The following GSG1 variants were observed in gnomAD, a reference collection of about 807,000 sequenced individuals.
GSG1 encodes germ cell associated 1.
Under a neutral mutation model 30.8 loss-of-function variants are expected in GSG1, and 28 were observed. The observed-to-expected ratio is 0.91, with a 90% CI of 0.67 to 1.25. The LOEUF (loss-of-function observed/expected upper bound fraction) is 1.25, where lower values mean the gene tolerates loss of function less well. Among genes scored for constraint, GSG1 ranks in the 50% most tolerant of loss-of-function variants. The pLI is 0.00. For synonymous variants in GSG1, 162 were observed against 178.0 expected (o/e 0.91, Z 0.71); for missense variants, 435 against 444.7 (o/e 0.98, Z 0.20).
In GSG1 at chr12:13,085,187, G is replaced by T. The variant is rs144614383; in HGVS notation, c.803C>A (p.Thr268Lys). The part of the protein sequence containing the change: ...CMASAVTTFN[T>K]YTRMVLEFKC... ...GAACTCCAGCACCATCCTGGTGTAC[G>T]TGTTGAAGGTGGTGACAGCCGACGC... Residue 268 changes from threonine (T) to lysine (K), a missense_variant, in exon 7 of 7, where the codon ACG (threonine) becomes AAG (lysine). By Grantham distance (78) the Thr-to-Lys change is moderately conservative. Transcript: ENST00000651961. 28 of 1,613,762 alleles carry T rather than the reference G, an allele frequency of 1.7e-5. 1 individual carries two copies. The Admixed American group carries it at 3.5e-4, about 20-fold the overall frequency.
At position 13,083,552 on chromosome 12, in the gene GSG1, T is replaced by TA. The variant is rs991938663; in HGVS notation, c.*1348_*1349insT. On this transcript the variant is annotated 3_prime_UTR_variant, in exon 7 of 7. Coordinates refer to ENST00000651961, the MANE Select transcript of GSG1 (RefSeq NM_001080555.4). The stretch of plus-strand genomic sequence containing the variant: ...GTAGATGGGTGGCATTCTTTTTTTT[T>TA]TTTTTTTAAGTTCTAGGGTACATGT... 7 of 150,788 alleles carry TA rather than the reference T, an allele frequency of 4.6e-5. No homozygotes were observed. Among genetic ancestry groups the TA allele is most frequent in the African/African-American group, 1.7e-4 (7 of 41,018 alleles). The allele number at this position is 150,788 out of a possible 1,614,324, so 9.3% of individuals were successfully genotyped here.
chr12:13,088,730 A>G (rs766414688), intron 4 of GSG1, 132 bp downstream of exon 4: 9 of 1,611,210 alleles, frequency 5.6e-6, no homozygotes, highest in East Asian at 2.2e-5. Context: ...TCCTTATCAG[A>G]CACATACTTG....
chr12:13,103,372 G>A (rs1365655675), intron 1 of GSG1, 93 bp downstream of exon 1: 1 of 925,416 alleles, frequency 1.1e-6, no homozygotes, highest in African/African-American at 1.6e-5. Context: ...TGAAATACAT[G>A]AAATTGATGA....
At position 13,103,540 on chromosome 12, in the gene GSG1, G is replaced by A. The variant is rs373757021; in HGVS notation, c.-28C>T. 38 of 1,613,512 alleles carry A rather than the reference G, an allele frequency of 2.4e-5. No homozygotes were observed. The highest frequency in any genetic ancestry group is 3.0e-5 in the Non-Finnish European group (35 of 1,179,570). On this transcript the variant is annotated 5_prime_UTR_variant, in exon 1 of 7. Transcript: ENST00000651961. ...ACTCTTGCAGCGGGAAGGCAGAGAAGTTTCAGTTTATCTTCTGTTCTGTCT... is the reference window on the plus strand; with the variant it reads ...ACTCTTGCAGCGGGAAGGCAGAGAAATTTCAGTTTATCTTCTGTTCTGTCT...
chr12:13,100,467 C>CA (rs1237002712), intron 1 of GSG1, among the ~76,000 whole-genome samples: 4 of 152,216 alleles, frequency 2.6e-5, no homozygotes, highest in African/African-American at 9.6e-5. Flanking sequence ...GTGATGATCT[C>CA]ATGAAATAGT....
In GSG1 at chr12:13,090,438, A is replaced by G; in HGVS notation, c.364+65T>C. On this transcript the variant is annotated intron_variant, in intron 2 of 6. Coordinates refer to ENST00000651961, the MANE Select transcript of GSG1 (RefSeq NM_001080555.4). Reference sequence around the variant, plus strand: ...CCCTAAGCGGGCCTACCTGATTTCCATGCCTGCATTAGATCCCTTGCCCGC... The same window carrying G: ...CCCTAAGCGGGCCTACCTGATTTCCGTGCCTGCATTAGATCCCTTGCCCGC... 5 of 1,474,650 alleles carry G rather than the reference A, an allele frequency of 3.4e-6. No individual in the cohort carries two copies. In the South Asian group the frequency reaches 6.4e-5, roughly 19 times the overall value. The allele number at this position is 1,474,650 out of a possible 1,614,324, so 91.3% of individuals were successfully genotyped here.
Position 13,100,817 on chromosome 12 carries a change from T to G in GSG1, c.48+2648A>C, listed in dbSNP as rs1863139692. On this transcript the variant is annotated intron_variant, in intron 1 of 6. Transcript: ENST00000651961. ...GTAGGGCACTTAGCTCCGGGATTTA[T>G]TCTCAGCTGTAACCACGTTTAAGGG... Among the ~76,000 whole-genome samples the G allele has an allele frequency of 2.6e-5, 4 of 152,282 alleles. 1 individual carries two copies. The South Asian group carries it at 8.3e-4, about 32-fold the overall frequency.
In GSG1 at chr12:13,103,664, T is replaced by A; in HGVS notation, c.-152A>T. 1.2e-6 allele frequency: 1 copy of A among 801,020 alleles called. No homozygotes were observed. The highest frequency in any genetic ancestry group is 2.1e-6 in the Non-Finnish European group (1 of 481,986). The allele number at this position is 801,020 out of a possible 1,614,324, so 49.6% of individuals were successfully genotyped here. A position where few individuals can be genotyped will look rare whatever the true frequency, so the allele number is the denominator to read the frequency against. On this transcript the variant is annotated 5_prime_UTR_variant, in exon 1 of 7. Coordinates refer to ENST00000651961, the MANE Select transcript of GSG1 (RefSeq NM_001080555.4). ...GGTGTGTGGTGGATTGGAGAGGATG[T>A]CCTGAGGGCCAGACACCAGCCAGGG...
At position 13,090,752 on chromosome 12, in the gene GSG1, G is replaced by C; in HGVS notation, c.115C>G (p.Leu39Val). Residue 39 changes from leucine to valine, a missense_variant, in exon 2 of 7, where the codon CTC becomes GTC. By Grantham distance (32) the Leu-to-Val change is conservative. Coordinates refer to ENST00000651961, the MANE Select transcript of GSG1 (RefSeq NM_001080555.4). ...AGCAGGGATGTTGTGGAGAAGCTGA[G>C]TGATAGCATGCTGAGGATGGCAGAT... ...LLSAILSMLS[L>V]SFSTTSLLSN... 1 of 1,614,246 alleles carries C rather than the reference G, an allele frequency of 6.2e-7. No homozygotes were observed.
Position 13,083,655 on chromosome 12 carries a change from T to C in GSG1, c.*1246A>G, listed in dbSNP as rs1307079162. ...GCACCCATTAACTCGTCATTTACGT[T>C]AGTATATCTCCTAATGCTATCCCTC... On this transcript the variant is annotated 3_prime_UTR_variant, in exon 7 of 7. Transcript: ENST00000651961. 6.6e-6 allele frequency: 1 copy of C among 151,522 alleles called. No homozygotes were observed. Among genetic ancestry groups the C allele is most frequent in the Non-Finnish European group, 1.5e-5 (1 of 67,896 alleles). 9.4% of individuals were successfully genotyped at this position (151,522 alleles called of 1,614,324 possible). A position where few individuals can be genotyped will look rare whatever the true frequency, so the allele number is the denominator to read the frequency against.
In GSG1 at chr12:13,087,948, A is replaced by T; in HGVS notation, c.593T>A (p.Leu198His). 1 of 1,614,232 alleles carries T rather than the reference A, an allele frequency of 6.2e-7. No individual in the cohort carries two copies. The highest frequency in any genetic ancestry group is 8.5e-7 in the Non-Finnish European group (1 of 1,180,038). The change falls in exon 5 of 7, where the codon CTC becomes CAC. Residue 198 changes from leucine to histidine, a missense_variant. By Grantham distance (99) the Leu-to-His change is moderately conservative. Transcript: ENST00000651961. ...LLLTGNPACG[L>H]KLSAFAAVSS... ...AACAGCAGCAAAGGCGCTCAGTTTG[A>T]GCCCACAGGCAGGGTTCCCAGTGAG...
chr12:13,091,859 C>G lies in GSG1; in HGVS notation c.49-1041G>C, dbSNP rs1866180234. Among the ~76,000 whole-genome samples, 3 of 152,324 alleles carry G rather than the reference C, an allele frequency of 2.0e-5. No individual in the cohort carries two copies. In the South Asian group the frequency reaches 6.2e-4, roughly 32 times the overall value. On this transcript the variant is annotated intron_variant, in intron 1 of 6. Transcript: ENST00000651961. Reference sequence around the variant, plus strand: ...TTCCCACGTCACGTGAAACTACGATCAAATAAACTTGAATGTTTTTTCTCC... The same window carrying G: ...TTCCCACGTCACGTGAAACTACGATGAAATAAACTTGAATGTTTTTTCTCC...
intron 1 of GSG1, among the ~76,000 whole-genome samples, chr12:13,094,831 A>G (rs1866517606): frequency 6.6e-6 from 1 of 152,192 alleles, no homozygotes; most frequent in African/African-American, 2.4e-5. Flanking sequence ...ATTTCAAGTT[A>G]TACTTGCAAG....
intron 1 of GSG1, chr12:13,095,909 G>A: frequency 1.3e-6 from 1 of 799,474 alleles, no homozygotes; most frequent in Non-Finnish European, 1.9e-6. Context: ...GCAATTTGCA[G>A]AGGAAATTTT....
chr12:13,084,973 C>T lies in GSG1; in HGVS notation c.1017G>A (p.Lys339=). 6.4e-7 allele frequency: 1 copy of T among 1,552,074 alleles called. No homozygotes were observed. The highest frequency in any genetic ancestry group is 8.7e-7 in the Non-Finnish European group (1 of 1,147,126). The change falls in exon 7 of 7, where the codon AAG becomes AAA. Residue 339 remains lysine, a synonymous_variant. Coordinates refer to ENST00000651961, the MANE Select transcript of GSG1 (RefSeq NM_001080555.4). ...CCTGGCTGGCCCCTCTTTGAAATCC[C>T]TTGTTCCGCAGCTCGGAGTAGAAGT... is the stretch of plus-strand genomic sequence containing the variant. ...GVDFYSELRN[K]GFQRGASQEL...
Position 13,101,956 on chromosome 12 carries a change from T to G in GSG1, c.48+1509A>C, listed in dbSNP as rs1217210748. Among the ~76,000 whole-genome samples, 1 of 152,162 alleles carries G rather than the reference T, an allele frequency of 6.6e-6. No homozygotes were observed. Among genetic ancestry groups the G allele is most frequent in the Non-Finnish European group, 1.5e-5 (1 of 68,014 alleles). On this transcript the variant is annotated intron_variant, in intron 1 of 6. Coordinates refer to ENST00000651961, the MANE Select transcript of GSG1 (RefSeq NM_001080555.4). This position sits in a 1 kb window ranked among gnomAD's most constrained non-coding sequence, Gnocchi z 5.8. ...AGGGGTAAATGAGGGCAAAGAGTTG[T>G]CCTTCTTAGTTCTGTGAAAATCGAA...
Position 13,101,491 on chromosome 12 carries a change from G to C in GSG1, c.48+1974C>G, listed in dbSNP as rs997670656. On this transcript the variant is annotated intron_variant, in intron 1 of 6. Transcript: ENST00000651961. This position sits in a 1 kb window ranked among gnomAD's most constrained non-coding sequence, Gnocchi z 5.8. ...GAACGGTGTCCCGGGGGCCCTCCCA[G>C]AGAGCAGGGACTGCCAGGGCAGGCC... Among the ~76,000 whole-genome samples the C allele has an allele frequency of 2.0e-5, 3 of 152,358 alleles. No individual in the cohort carries two copies. In the East Asian group the frequency reaches 5.8e-4, roughly 29 times the overall value.
chr12:13,099,064 A>G (rs1004816374), intron 1 of GSG1, among the ~76,000 whole-genome samples: 1 of 152,122 alleles, frequency 6.6e-6, no homozygotes, highest in Admixed American at 6.5e-5. Context: ...GAGGCTGTGC[A>G]TTTTGTGTGT....
At position 13,084,982 on chromosome 12, in the gene GSG1, C is replaced by A; in HGVS notation, c.1008G>T (p.Leu336=). 6.4e-7 allele frequency: 1 copy of A among 1,552,538 alleles called. No homozygotes were observed. Among genetic ancestry groups the A allele is most frequent in the Non-Finnish European group, 8.7e-7 (1 of 1,147,336 alleles). Residue 336 remains leucine (L), a synonymous_variant, in exon 7 of 7, where the codon CTG becomes CTT. Transcript: ENST00000651961. ...CCCCTCTTTGAAATCCCTTGTTCCG[C>A]AGCTCGGAGTAGAAGTCGACTCCCT... ...VSEGVDFYSE[L]RNKGFQRGAS...
Sources: allele counts gnomAD v4.1 joint callset (sites outside exome capture counted in the v4.1 genomes callset), GRCh38; gene constraint gnomAD v4.1.1; non-coding constraint Gnocchi (gnomAD v3.1); transcripts MANE v1.5; gene names NCBI Gene and HGNC (gene_info 2026-07-23, HGNC 2026-07-21).